Variants in CNTN1 observed in about 807,000 individuals in gnomAD.
CNTN1 encodes contactin 1, also known as contactin-1.
Under a neutral mutation model 126.4 loss-of-function variants are expected in CNTN1, and 38 were observed. That is an observed-to-expected ratio of 0.30 (90% CI 0.23 to 0.39). The LOEUF (loss-of-function observed/expected upper bound fraction) is 0.39, where lower values mean the gene tolerates loss of function less well. Ranked by LOEUF, CNTN1 falls within the 10% of genes least tolerant of loss-of-function variation. The pLI, the probability that CNTN1 is intolerant of heterozygous loss-of-function variation, is 1.00. For synonymous variants in CNTN1, 413 were observed against 422.6 expected, an observed-to-expected ratio of 0.98 and a Z score of 0.28; for missense variants, 1,009 against 1,248.4, an observed-to-expected ratio of 0.81 and a Z score of 2.89.
chr12:40,758,808 G>A (rs192212551), intron 1 of CNTN1, among the ~76,000 whole-genome samples: 1 of 152,246 alleles, frequency 6.6e-6, no homozygotes, highest in Non-Finnish European at 1.5e-5. Context: ...TTCCAGTGAA[G>A]AGTTTGCAAA....
At chr12:40,950,097 G>GGGGTGTGTGT (rs1193146995) in intron 14 of CNTN1, among the ~76,000 whole-genome samples, 2 of 145,234 alleles carry the variant, frequency 1.4e-5, no homozygotes, top group African/African-American at 5.1e-5. Context: ...GTGTTGAGAG[G>GGGGTGTGTGT]GTGTGTGTGT....
Position 40,728,036 on chromosome 12 carries a change from G to A in CNTN1, c.-77+35444G>A, listed in dbSNP as rs1942402530. 2.0e-5 allele frequency among the ~76,000 whole-genome samples: 3 copies of A among 152,166 alleles called. No individual in the cohort carries two copies. The East Asian group carries it at 5.8e-4, about 29-fold the overall frequency. ...TCTTAGGCCAGGACAGTTTCCCAGA[G>A]AAGAGTGCAGCTATGTGGTCACAGT... On this transcript the variant is annotated intron_variant, in intron 1 of 23. Coordinates refer to ENST00000551295, the MANE Select transcript of CNTN1 (RefSeq NM_001843.4).
At chr12:40,914,459 A>G (rs1230288601) in intron 3 of CNTN1, among the ~76,000 whole-genome samples, 3 of 152,194 alleles carry the variant, frequency 2.0e-5, no homozygotes, top group African/African-American at 7.2e-5. Context: ...TTCCTAAAAT[A>G]AAATATATAC....
At chr12:40,983,762 T>C (rs1409916908) in intron 16 of CNTN1, among the ~76,000 whole-genome samples, 1 of 147,894 alleles carries the variant, frequency 6.8e-6, no homozygotes, top group Non-Finnish European at 1.5e-5. Context: ...TATATTACTA[T>C]ATATTAATAG....
intron 1 of CNTN1, among the ~76,000 whole-genome samples, chr12:40,790,081 C>T (rs1433069177): frequency 6.6e-6 from 1 of 152,118 alleles, no homozygotes; most frequent in Admixed American, 6.6e-5. Flanking sequence ...TAATAGCATG[C>T]ACTTTGCCTA....
intron 1 of CNTN1, among the ~76,000 whole-genome samples, chr12:40,762,279 G>T (rs1938892656): frequency 6.6e-6 from 1 of 152,134 alleles, no homozygotes; most frequent in Admixed American, 6.6e-5. Context: ...CCACAAGAGG[G>T]ATTTAGGGCA....
intron 1 of CNTN1, among the ~76,000 whole-genome samples, chr12:40,760,351 T>C (rs991598230): frequency 3.9e-5 from 6 of 152,312 alleles, no homozygotes; most frequent in South Asian, 2.1e-4. Context: ...TATATCAAAA[T>C]TATATCACAA....
chr12:40,736,549 A>G (rs771653299), intron 1 of CNTN1, among the ~76,000 whole-genome samples: 16 of 152,142 alleles, frequency 1.1e-4, no homozygotes, highest in Non-Finnish European at 1.8e-4. Context: ...GTTCAGAGCA[A>G]AAGAGCAGAT....
At chr12:40,769,412 T>G (rs950916044) in intron 1 of CNTN1, among the ~76,000 whole-genome samples, 2 of 152,192 alleles carry the variant, frequency 1.3e-5, no homozygotes, top group Admixed American at 6.5e-5. Flanking sequence ...AAGAGCAGAC[T>G]ATGAAGTGCA....
chr12:41,003,524 C>T (rs749859556), intron 17 of CNTN1, among the ~76,000 whole-genome samples: 1 of 151,666 alleles, frequency 6.6e-6, no homozygotes, highest in Non-Finnish European at 1.5e-5. Flanking sequence ...GGAATGGTAC[C>T]AGCTCTTCTT....
intron 21 of CNTN1, among the ~76,000 whole-genome samples, chr12:41,026,277 A>C (rs1328968640): frequency 6.6e-6 from 1 of 152,210 alleles, no homozygotes; most frequent in African/African-American, 2.4e-5. Context: ...AAACCAGTCC[A>C]AGGTGCTATT....
At chr12:40,787,569 A>G (rs887372722) in intron 1 of CNTN1, among the ~76,000 whole-genome samples, 14 of 152,170 alleles carry the variant, frequency 9.2e-5, no homozygotes, top group African/African-American at 3.1e-4. Flanking sequence ...CATGACTAAT[A>G]TAAGAAAATC....
intron 1 of CNTN1, among the ~76,000 whole-genome samples, chr12:40,722,843 G>C (rs1341910414): frequency 1.3e-5 from 2 of 152,014 alleles, no homozygotes; most frequent in Non-Finnish European, 2.9e-5. Context: ...ATATGCTGAA[G>C]GAAAATGTAT....
At chr12:40,956,225 T>C (rs1027839964) in intron 14 of CNTN1, among the ~76,000 whole-genome samples, 3 of 152,090 alleles carry the variant, frequency 2.0e-5, no homozygotes, top group Non-Finnish European at 4.4e-5. Context: ...GGCACTGTGC[T>C]GGACTTGAGA....
chr12:40,907,457 C>T (rs1469533588), intron 1 of CNTN1, among the ~76,000 whole-genome samples: 1 of 152,122 alleles, frequency 6.6e-6, no homozygotes, highest in African/African-American at 2.4e-5. Flanking sequence ...GTGGATTTTA[C>T]CACGGAGATG....
chr12:40,822,337 T>C (rs1794896763), intron 1 of CNTN1, among the ~76,000 whole-genome samples: 1 of 151,750 alleles, frequency 6.6e-6, no homozygotes, highest in African/African-American at 2.4e-5. Flanking sequence ...GTACCTTTAG[T>C]AGAGATGGGG....
At chr12:41,030,686 T>A (rs1284890988) in intron 23 of CNTN1, among the ~76,000 whole-genome samples, 1 of 152,152 alleles carries the variant, frequency 6.6e-6, no homozygotes, top group Non-Finnish European at 1.5e-5. Flanking sequence ...CATAAATTAA[T>A]CTTTCTTCTG....
chr12:40,779,486 A>G (rs978463558), intron 1 of CNTN1, among the ~76,000 whole-genome samples: 1 of 151,896 alleles, frequency 6.6e-6, no homozygotes, highest in African/African-American at 2.4e-5. Context: ...AAGAAAATAA[A>G]CAGCAAACCT....
intron 15 of CNTN1, among the ~76,000 whole-genome samples, chr12:40,968,350 C>T (rs1353122923): frequency 6.6e-6 from 1 of 151,862 alleles, no homozygotes; most frequent in Non-Finnish European, 1.5e-5. Flanking sequence ...TATTTTTGCT[C>T]ATGTTATATT....
Sources: gnomAD v4.1 joint callset for allele counts (sites outside exome capture counted in the v4.1 genomes callset) on GRCh38, gnomAD v4.1.1 for gene constraint, MANE v1.5 for transcripts, NCBI Gene and HGNC (gene_info 2026-07-23, HGNC 2026-07-21) for gene names.